Variants in RAB20 observed in about 807,000 individuals in gnomAD.
RAB20 encodes RAB20, member RAS oncogene family, also known as ras-related protein Rab-20.
Under a neutral mutation model 3.7 loss-of-function variants are expected in RAB20, and 2 were observed. The ratio of observed to expected loss-of-function variants is 0.54; its 90% CI spans 0.22 to 1.69. The LOEUF (loss-of-function observed/expected upper bound fraction) is 1.69, where lower values mean the gene tolerates loss of function less well. Among genes scored for constraint, RAB20 ranks in the 40% most tolerant of loss-of-function variants. RAB20 has a pLI of 0.19. For synonymous variants in RAB20, 126 were observed against 130.8 expected (o/e 0.96, Z 0.25); for missense variants, 276 against 311.9 (o/e 0.88, Z 0.87).
At chr13:110,540,104 T>C (rs1329412099) in intron 1 of RAB20, among the ~76,000 whole-genome samples, 1 of 152,216 alleles carries the variant, frequency 6.6e-6, no homozygotes, top group Non-Finnish European at 1.5e-5. Flanking sequence ...GTACTAAAAA[T>C]AGTTCAATGA....
chr13:110,550,928 C>T (rs185073866), intron 1 of RAB20, among the ~76,000 whole-genome samples: 2 of 152,242 alleles, frequency 1.3e-5, no homozygotes, highest in African/African-American at 4.8e-5. Context: ...ATTAATGTCC[C>T]AGACCCACAG....
chr13:110,535,124 A>G (rs1467651), intron 1 of RAB20, among the ~76,000 whole-genome samples: 60,407 of 152,124 alleles, frequency 0.4, 12,322 homozygotes, highest in African/African-American at 0.49. Flanking sequence ...CTGAGCCACC[A>G]CGCCCAGCCC....
At chr13:110,538,177 T>C (rs1203924156) in intron 1 of RAB20, among the ~76,000 whole-genome samples, 3 of 143,096 alleles carry the variant, frequency 2.1e-5, no homozygotes, top group African/African-American at 7.9e-5. Context: ...AGGTCAAGGC[T>C]GCAGTGAGCC....
At position 110,535,673 on chromosome 13, in the gene RAB20, G is replaced by A. The variant is rs146728741; in HGVS notation, c.173-11476C>T. ...AGTGACTAACTTTTCACAGGCAGCC[G>A]TGAAGCACCGCACACACCCGGCACG... On this transcript the variant is annotated intron_variant, in intron 1 of 1. Coordinates refer to ENST00000267328, the MANE Select transcript of RAB20 (RefSeq NM_017817.3). Among the ~76,000 whole-genome samples the A allele has an allele frequency of 5.8e-3, 885 of 152,328 alleles. 10 individuals carry two copies. The highest frequency in any genetic ancestry group is 0.019 in the African/African-American group (802 of 41,582).
At chr13:110,525,951 A>G (rs938309029) in intron 1 of RAB20, among the ~76,000 whole-genome samples, 1 of 152,220 alleles carries the variant, frequency 6.6e-6, no homozygotes, top group Admixed American at 6.5e-5. Context: ...CCAACAAGCA[A>G]ACCCCAAGTG....
At position 110,523,451 on chromosome 13, in the gene RAB20, G is replaced by A. The variant is rs764478961; in HGVS notation, c.*214C>T. 1 of 970,796 alleles carries A rather than the reference G, an allele frequency of 1.0e-6. No individual in the cohort carries two copies. Among genetic ancestry groups the A allele is most frequent in the Non-Finnish European group, 1.5e-6 (1 of 678,848 alleles). 60.1% of individuals were successfully genotyped at this position (970,796 alleles called of 1,614,324 possible). On this transcript the variant is annotated 3_prime_UTR_variant, in exon 2 of 2. Transcript: ENST00000267328. ...AGATTGGGCTTTGCAGAGGATTCCT[G>A]TTTCCCACCTCCCCACCCCTCTGAC...
chr13:110,556,680 C>T (rs771590126), intron 1 of RAB20, among the ~76,000 whole-genome samples: 16 of 151,968 alleles, frequency 1.1e-4, no homozygotes, highest in Admixed American at 3.9e-4. Flanking sequence ...ACTACAGGTG[C>T]GCACCACTAC....
At position 110,531,936 on chromosome 13, in the gene RAB20, G is replaced by A. The variant is rs533816635; in HGVS notation, c.173-7739C>T. Reference sequence around the variant, plus strand: ...CACAGTAATCCTGATTCACTGTTGCGGAACCAAAAACTGCCCAAGTGCTTT... The same window carrying A: ...CACAGTAATCCTGATTCACTGTTGCAGAACCAAAAACTGCCCAAGTGCTTT... On this transcript the variant is annotated intron_variant, in intron 1 of 1. Transcript: ENST00000267328. Among the ~76,000 whole-genome samples, 50 of 152,280 alleles carry A rather than the reference G, an allele frequency of 3.3e-4. No individual in the cohort carries two copies. In the South Asian group the frequency reaches 9.3e-3, roughly 28 times the overall value.
At chr13:110,559,148 G>A (rs1885090828) in intron 1 of RAB20, among the ~76,000 whole-genome samples, 1 of 152,142 alleles carries the variant, frequency 6.6e-6, no homozygotes, top group Non-Finnish European at 1.5e-5. Flanking sequence ...GGCATTGGGT[G>A]TACACTGACC....
chr13:110,547,981 T>C (rs1004931998), intron 1 of RAB20, among the ~76,000 whole-genome samples: 7 of 152,212 alleles, frequency 4.6e-5, no homozygotes, highest in African/African-American at 1.4e-4. Flanking sequence ...AAGTTTCCCA[T>C]AGCAGGTATT....
chr13:110,546,847 C>T (rs1884860342), intron 1 of RAB20, among the ~76,000 whole-genome samples: 1 of 152,058 alleles, frequency 6.6e-6, no homozygotes, highest in Non-Finnish European at 1.5e-5. Context: ...AAGTGATCCT[C>T]CCACCTCAGC....
chr13:110,527,637 G>A (rs1046845799), intron 1 of RAB20, among the ~76,000 whole-genome samples: 1 of 152,096 alleles, frequency 6.6e-6, no homozygotes, highest in Non-Finnish European at 1.5e-5. Flanking sequence ...CCTCCCTTCC[G>A]CACGCCTACC....
At position 110,532,079 on chromosome 13, in the gene RAB20, G is replaced by A. The variant is rs146756258; in HGVS notation, c.173-7882C>T. 2.5e-3 allele frequency among the ~76,000 whole-genome samples: 375 copies of A among 152,186 alleles called. 2 individuals carry two copies. Among genetic ancestry groups the A allele is most frequent in the African/African-American group, 8.5e-3 (353 of 41,512 alleles). On this transcript the variant is annotated intron_variant, in intron 1 of 1. Coordinates refer to ENST00000267328, the MANE Select transcript of RAB20 (RefSeq NM_017817.3). ...GGTTGAGATAGCCATCAGAAGCCAC[G>A]GACACCCTTGGCTCACATCTTAAGC... is the stretch of plus-strand genomic sequence containing the variant.
intron 1 of RAB20, among the ~76,000 whole-genome samples, chr13:110,525,648 G>A (rs562057199): frequency 6.6e-6 from 1 of 152,250 alleles, no homozygotes; most frequent in Non-Finnish European, 1.5e-5. Flanking sequence ...GCCAAGGCAG[G>A]TGTTCCTGGG....
chr13:110,544,058 C>T (rs1336503763), intron 1 of RAB20, among the ~76,000 whole-genome samples: 1 of 152,078 alleles, frequency 6.6e-6, no homozygotes, highest in Non-Finnish European at 1.5e-5. Flanking sequence ...ATTACAGGCA[C>T]CCAGCCTGAT....
chr13:110,558,017 C>T (rs1443597705), intron 1 of RAB20, among the ~76,000 whole-genome samples: 1 of 152,248 alleles, frequency 6.6e-6, no homozygotes, highest in African/African-American at 2.4e-5. Flanking sequence ...CCAGGGCCTG[C>T]GGGGCAGCGG....
chr13:110,539,996 G>C (rs1325120041), intron 1 of RAB20, among the ~76,000 whole-genome samples: 2 of 152,250 alleles, frequency 1.3e-5, no homozygotes, highest in Non-Finnish European at 2.9e-5. Context: ...AGGTAGAGTA[G>C]TTCCACCTGT....
intron 1 of RAB20, among the ~76,000 whole-genome samples, chr13:110,532,128 T>C (rs1387028579): frequency 1.3e-5 from 2 of 152,084 alleles, no homozygotes; most frequent in Admixed American, 6.5e-5. Context: ...ACTTAAAAAA[T>C]ACTGATGCTC....
In RAB20 at chr13:110,555,682, G is replaced by A. The variant is rs1885026769; in HGVS notation, c.172+5666C>T. Among the ~76,000 whole-genome samples, 1 of 152,238 alleles carries A rather than the reference G, an allele frequency of 6.6e-6. No individual in the cohort carries two copies. Among genetic ancestry groups the A allele is most frequent in the African/African-American group, 2.4e-5 (1 of 41,454 alleles). On this transcript the variant is annotated intron_variant, in intron 1 of 1. Coordinates refer to ENST00000267328, the MANE Select transcript of RAB20 (RefSeq NM_017817.3). This position sits in a 1 kb window ranked among gnomAD's most constrained non-coding sequence, Gnocchi z 4.0. ...GAATCAGCCTGTGCCTTCTGCGGGTGAAACCAGTCATCAGCCGGCCCCCTG... is the reference window on the plus strand; with the variant it reads ...GAATCAGCCTGTGCCTTCTGCGGGTAAAACCAGTCATCAGCCGGCCCCCTG...
Sources: gnomAD v4.1 joint callset for allele counts (sites outside exome capture counted in the v4.1 genomes callset) on GRCh38, gnomAD v4.1.1 for gene constraint, Gnocchi (gnomAD v3.1) non-coding constraint, MANE v1.5 for transcripts, NCBI Gene and HGNC (gene_info 2026-07-23, HGNC 2026-07-21) for gene names.